GGACT: variants seen among roughly 807,000 people sequenced by gnomAD.
GGACT encodes the protein gamma-glutamylamine cyclotransferase.
For missense variants in GGACT, 241 were observed against 233.2 expected, an observed-to-expected ratio of 1.03 and a Z score of -0.22; for synonymous variants, 118 against 115.3, an observed-to-expected ratio of 1.02 and a Z score of -0.15.
At position 100,577,418 on chromosome 13, in the gene GGACT, AAAAT is replaced by A. The variant is rs59417268; in HGVS notation, c.-11+6403_-11+6406del. On this transcript the variant is annotated intron_variant, in intron 2 of 2. Transcript: ENST00000683975. The stretch of plus-strand genomic sequence containing the variant: ...GTGACAAGAGCGAGACTCCATCTCA[AAAAT>A]AAATAAATAAATAAATAAATAAATA... Among the ~76,000 whole-genome samples, 319 of 141,226 alleles carry A rather than the reference AAAAT, an allele frequency of 2.3e-3. 2 individuals carry two copies. Among genetic ancestry groups the A allele is most frequent in the South Asian group, 4.4e-3 (19 of 4,350 alleles). 92.6% of individuals were successfully genotyped at this position (141,226 alleles called of 152,430 possible).
chr13:100,534,535 C>T lies in GGACT; in HGVS notation c.-10-1934G>A, dbSNP rs1254783831. 6.6e-6 allele frequency among the ~76,000 whole-genome samples: 1 copy of T among 151,998 alleles called. No individual in the cohort carries two copies. Among genetic ancestry groups the T allele is most frequent in the Non-Finnish European group, 1.5e-5 (1 of 68,016 alleles). On this transcript the variant is annotated intron_variant, in intron 2 of 2. Coordinates refer to ENST00000683975, the MANE Select transcript of GGACT (RefSeq NM_001195087.2). This position sits in a 1 kb window ranked among gnomAD's most constrained non-coding sequence, Gnocchi z 4.9. ...GAGCAGCGCTGGTGTCTGGAGAGGG[C>T]ACTGGATGGAAGCAGCTGTCTACAA...
chr13:100,550,210 C>A (rs2088645041), intron 2 of GGACT, among the ~76,000 whole-genome samples: 1 of 151,988 alleles, frequency 6.6e-6, no homozygotes, highest in Non-Finnish European at 1.5e-5. Context: ...GAGGCCAAAA[C>A]TTCCAGAAAA....
intron 2 of GGACT, chr13:100,540,236 TTTTC>T: frequency 7.2e-7 from 1 of 1,384,566 alleles, no homozygotes; most frequent in Non-Finnish European, 1.0e-6. Flanking sequence ...TTGTTCCTTC[TTTTC>T]TTTGTCATCT....
chr13:100,532,952 C>T (rs1435809261), intron 2 of GGACT, among the ~76,000 whole-genome samples: 2 of 152,200 alleles, frequency 1.3e-5, no homozygotes, highest in African/African-American at 4.8e-5. Context: ...CTTGATGTGT[C>T]TGTAGCAGAC....
Position 100,540,161 on chromosome 13 carries a change from C to T in GGACT, c.-10-7560G>A, listed in dbSNP as rs56010806. 5.9e-4 allele frequency: 925 copies of T among 1,580,052 alleles called. 8 individuals are homozygous for T. In the African/African-American group the frequency reaches 0.01, roughly 18 times the overall value. On this transcript the variant is annotated intron_variant, in intron 2 of 2. Transcript: ENST00000683975. The stretch of plus-strand genomic sequence containing the variant: ...TTCTTAATGGCGTTGTCCTTGGGCA[C>T]GCATCGGGCACAGTTAGTGCAGCGA...
intron 2 of GGACT, 58 bp from the exon 3 acceptor site, chr13:100,532,659 T>C (rs1337410227): frequency 6.5e-6 from 9 of 1,374,364 alleles, no homozygotes; most frequent in Non-Finnish European, 2.0e-6. Flanking sequence ...TGTCTGCACC[T>C]GGGACGTGGC....
intron 2 of GGACT, among the ~76,000 whole-genome samples, chr13:100,580,408 T>G (rs1229727126): frequency 6.6e-6 from 1 of 151,790 alleles, no homozygotes; most frequent in Non-Finnish European, 1.5e-5. Context: ...AGCCGGGAGG[T>G]GTGCGACCAC....
chr13:100,545,294 G>T lies in GGACT; in HGVS notation c.-10-12693C>A, dbSNP rs1253930699. 6.6e-6 allele frequency among the ~76,000 whole-genome samples: 1 copy of T among 152,236 alleles called. No homozygotes were observed. The highest frequency in any genetic ancestry group is 2.4e-5 in the African/African-American group (1 of 41,462). On this transcript the variant is annotated intron_variant, in intron 2 of 2. Coordinates refer to ENST00000683975, the MANE Select transcript of GGACT (RefSeq NM_001195087.2). The surrounding 1 kb of genome is among the most constrained non-coding windows in gnomAD (Gnocchi z 4.4). ...ACATGGTGAGGCCGCTTCACTCCCA[G>T]CTTCTCCCCCCTTTTGCAGATGGGG... is the stretch of plus-strand genomic sequence containing the variant.
At chr13:100,573,074 A>G (rs1004004792) in intron 2 of GGACT, among the ~76,000 whole-genome samples, 3 of 152,186 alleles carry the variant, frequency 2.0e-5, no homozygotes, top group African/African-American at 7.2e-5. Flanking sequence ...CAACTAAAAG[A>G]TTTTTCTAAG....
At chr13:100,533,189 C>A (rs1414913448) in intron 2 of GGACT, 1 of 159,086 alleles carries the variant, frequency 6.3e-6, no homozygotes, top group Non-Finnish European at 1.4e-5. Context: ...CAGCTCAAGG[C>A]CAGAAGACGC....
Position 100,570,036 on chromosome 13 carries a change from A to G in GGACT, c.-11+13789T>C, listed in dbSNP as rs147119639. ...TCAACAAGTCTCTAGGAAGTTCCAC[A>G]CTTTCCCACACCTTCCTGTCTTCTG... On this transcript the variant is annotated intron_variant, in intron 2 of 2. Coordinates refer to ENST00000683975, the MANE Select transcript of GGACT (RefSeq NM_001195087.2). 6.2e-3 allele frequency among the ~76,000 whole-genome samples: 937 copies of G among 152,276 alleles called. 8 individuals are homozygous for G. Among genetic ancestry groups the G allele is most frequent in the African/African-American group, 0.021 (884 of 41,552 alleles).
chr13:100,544,960 G>A (rs1483562171), intron 2 of GGACT, among the ~76,000 whole-genome samples: 2 of 152,232 alleles, frequency 1.3e-5, no homozygotes, highest in East Asian at 1.9e-4. Context: ...AGGCACGGCA[G>A]CAGGAGCGGA....
chr13:100,586,950 G>A (rs1875597132), intron 1 of GGACT: 1 of 151,968 alleles, frequency 6.6e-6, no homozygotes. Flanking sequence ...ATGAATTCCT[G>A]TTCAGCAGGA....
At chr13:100,567,676 C>CT (rs1874939891) in intron 2 of GGACT, among the ~76,000 whole-genome samples, 1 of 152,228 alleles carries the variant, frequency 6.6e-6, no homozygotes, top group African/African-American at 2.4e-5. Flanking sequence ...CTTACATTCA[C>CT]TTCTTTACAC....
chr13:100,546,547 A>G (rs1399544041), intron 2 of GGACT, among the ~76,000 whole-genome samples: 1 of 151,990 alleles, frequency 6.6e-6, no homozygotes, highest in Non-Finnish European at 1.5e-5. Flanking sequence ...GCGGTGGCTC[A>G]TGCCTGTAAT....
chr13:100,588,781 C>A lies in GGACT; in HGVS notation c.-224G>T, dbSNP rs1163216515. The A allele has an allele frequency of 6.6e-6, 1 of 151,882 alleles. No individual in the cohort carries two copies. The highest frequency in any genetic ancestry group is 2.4e-5 in the African/African-American group (1 of 41,376). 9.4% of individuals were successfully genotyped at this position (151,882 alleles called of 1,614,324 possible). ...GCTGTCGGGGAGGGCAGGGCCAGGGCGGAAATGCAGGGCCGGGCCCGCGCC... is the reference window on the plus strand; with the variant it reads ...GCTGTCGGGGAGGGCAGGGCCAGGGAGGAAATGCAGGGCCGGGCCCGCGCC... On this transcript the variant is annotated 5_prime_UTR_variant, in exon 1 of 3. Coordinates refer to ENST00000683975, the MANE Select transcript of GGACT (RefSeq NM_001195087.2).
In GGACT at chr13:100,531,392, A is replaced by C. The variant is rs1349343060; in HGVS notation, c.*738T>G. ...GGGCAGGGACGGGGTCTGGCTACTG[A>C]GATCTGGGCTCAGATAAACTTCCAC... On this transcript the variant is annotated 3_prime_UTR_variant, in exon 3 of 3. Coordinates refer to ENST00000683975, the MANE Select transcript of GGACT (RefSeq NM_001195087.2). The C allele has an allele frequency of 6.6e-6, 1 of 152,216 alleles. No homozygotes were observed. Among genetic ancestry groups the C allele is most frequent in the Non-Finnish European group, 1.5e-5 (1 of 68,046 alleles). 9.4% of individuals were successfully genotyped at this position (152,216 alleles called of 1,614,324 possible). A position where few individuals can be genotyped will look rare whatever the true frequency, so the allele number is the denominator to read the frequency against.
At chr13:100,542,956 G>C (rs549563189) in intron 2 of GGACT, among the ~76,000 whole-genome samples, 71 of 152,266 alleles carry the variant, frequency 4.7e-4, no homozygotes, top group African/African-American at 1.7e-3. Flanking sequence ...AAGTGATTAC[G>C]AGTCCTTTGC....
intron 2 of GGACT, among the ~76,000 whole-genome samples, chr13:100,535,137 G>A (rs1016303571): frequency 3.3e-5 from 5 of 152,228 alleles, no homozygotes; most frequent in Admixed American, 6.5e-5. Flanking sequence ...GGGCAGGGCC[G>A]TAGTCACACT....
Sources: allele counts gnomAD v4.1 joint callset (sites outside exome capture counted in the v4.1 genomes callset), GRCh38; gene constraint gnomAD v4.1.1; non-coding constraint Gnocchi (gnomAD v3.1); transcripts MANE v1.5; gene names NCBI Gene and HGNC (gene_info 2026-07-23, HGNC 2026-07-21).